DPYSL4: variants seen among roughly 807,000 people sequenced by gnomAD.
The protein encoded by DPYSL4 is dihydropyrimidinase like 4, also known as dihydropyrimidinase-related protein 4.
A neutral mutation model predicts 63.4 loss-of-function variants in DPYSL4; 43 were observed. The observed-to-expected ratio is 0.68, with a 90% confidence interval of 0.53 to 0.88. The LOEUF is 0.88. Among genes scored for constraint, DPYSL4 ranks in the 40% least tolerant of loss-of-function variants. The probability of loss-of-function intolerance (pLI) is 0.00; values close to 1 mark genes in which losing one functional copy is unlikely to be tolerated. For synonymous variants in DPYSL4, 353 were observed against 331.7 expected (o/e 1.06, Z -0.70); for missense variants, 733 against 819.5 (o/e 0.89, Z 1.29).
At chr10:132,189,247 C>T (rs376782945) in intron 1 of DPYSL4, among the ~76,000 whole-genome samples, 9 of 152,350 alleles carry the variant, frequency 5.9e-5, no homozygotes, top group Middle Eastern at 3.4e-3. Flanking sequence ...GCACGCCAGA[C>T]GGTGGAGGGA....
intron 3 of DPYSL4, 124 bp from the exon 4 acceptor site, chr10:132,194,721 T>G (rs2061919269): frequency 7.8e-7 from 1 of 1,283,674 alleles, no homozygotes; most frequent in African/African-American, 1.5e-5. Context: ...CGGTGGCCTC[T>G]GCTGTGTCTC....
chr10:132,202,625 C>T (rs747954993), intron 11 of DPYSL4, 21 bp from the exon 12 acceptor site: 2 of 1,610,108 alleles, frequency 1.2e-6, no homozygotes, highest in African/African-American at 1.3e-5. Flanking sequence ...AGGCACTGGA[C>T]CCTCGGGCCT....
At chr10:132,204,583 GACAGGAAGGGCTTCCTGCAGCCC>G (rs1038659906) in intron 13 of DPYSL4, among the ~76,000 whole-genome samples, 4 of 152,136 alleles carry the variant, frequency 2.6e-5, no homozygotes, top group African/African-American at 9.7e-5. Context: ...TTCCTCTCGG[GACAGGAAGGGCTTCCTGCAGCCC>G]ACAGTCCCCG....
chr10:132,191,619 G>T (rs61065226), intron 2 of DPYSL4, among the ~76,000 whole-genome samples: 3 of 34,360 alleles, frequency 8.7e-5, no homozygotes, highest in African/African-American at 1.0e-4. Flanking sequence ...ATCCAGGCAG[G>T]TGAAAGTATG....
At position 132,190,789 on chromosome 10, in the gene DPYSL4, G is replaced by A. The variant is rs149476256; in HGVS notation, c.82G>A (p.Asp28Asn). ...CAGAGGTGGGAGGATCGTGAATGAC[G>A]ACCAGTCCTTTTACGCTGATGTGCA... The part of the protein sequence containing the change: ...LIRGGRIVND[D>N]QSFYADVHVE... The change falls in exon 2 of 14, where the codon GAC becomes AAC. Residue 28 changes from aspartate to asparagine, a missense_variant. Coordinates refer to ENST00000338492, the MANE Select transcript of DPYSL4 (RefSeq NM_006426.3). 39 of 1,613,608 alleles carry A rather than the reference G, an allele frequency of 2.4e-5. No individual in the cohort carries two copies. The African/African-American group carries it at 3.7e-4, about 15-fold the overall frequency.
chr10:132,201,103 C>A (rs549262168), intron 10 of DPYSL4, 120 bp downstream of exon 10: 1 of 1,399,624 alleles, frequency 7.1e-7, no homozygotes, highest in Non-Finnish European at 9.5e-7. Flanking sequence ...TCAGAGCACA[C>A]GGGCTCCGGG....
At chr10:132,202,597 T>C (rs1228505620) in intron 11 of DPYSL4, 49 bp from the exon 12 acceptor site, 1 of 1,602,760 alleles carries the variant, frequency 6.2e-7, no homozygotes, top group East Asian at 2.2e-5. Context: ...GGGATGGGAC[T>C]GTTGGGCCCC....
intron 4 of DPYSL4, among the ~76,000 whole-genome samples, chr10:132,195,741 C>T (rs139984028): frequency 2.1e-4 from 32 of 152,322 alleles, no homozygotes; most frequent in East Asian, 5.8e-4. Context: ...CCTCCCTGCC[C>T]GGGGGCTGGT....
At position 132,204,882 on chromosome 10, in the gene DPYSL4, G is replaced by A. The variant is rs2062074586; in HGVS notation, c.1671G>A (p.Lys557=). The change falls in exon 14 of 14, where the codon AAG becomes AAA. Residue 557 remains lysine, a synonymous_variant. Coordinates refer to ENST00000338492, the MANE Select transcript of DPYSL4 (RefSeq NM_006426.3). ...ACATCGCCCGACGCACAGCACAGAA[G>A]ATCATGGCACCACCTGGCGGCCGCT... ...DDHIARRTAQ[K]IMAPPGGRSN... 6.2e-7 allele frequency: 1 copy of A among 1,612,910 alleles called. No individual in the cohort carries two copies. Among genetic ancestry groups the A allele is most frequent in the Non-Finnish European group, 8.5e-7 (1 of 1,179,396 alleles).
intron 11 of DPYSL4, 102 bp from the exon 12 acceptor site, chr10:132,202,544 C>A: frequency 6.8e-7 from 1 of 1,468,752 alleles, no homozygotes; most frequent in Non-Finnish European, 9.2e-7. Flanking sequence ...GCACACCGGG[C>A]CTGCTCCACG....
In DPYSL4 at chr10:132,187,096, G is replaced by C. The variant is rs1370106544; in HGVS notation, c.33G>C (p.Arg11=). The C allele has an allele frequency of 6.8e-7, 1 of 1,463,558 alleles. No homozygotes were observed. The highest frequency in any genetic ancestry group is 1.2e-5 in the South Asian group (1 of 81,330). 90.7% of individuals were successfully genotyped at this position (1,463,558 alleles called of 1,614,324 possible). A position where few individuals can be genotyped will look rare whatever the true frequency, so the allele number is the denominator to read the frequency against. Residue 11 remains arginine, a synonymous_variant, in exon 1 of 14, where the codon CGG becomes CGC. Transcript: ENST00000338492. ...TCCAGGGCAAGAAAAGCATCCCCCG[G>C]ATCACGGTGAGCCCGGTCCCGCTTC... MSFQGKKSIP[R]ITSDRLLIRG...
At chr10:132,197,947 G>A (rs1485311220) in intron 6 of DPYSL4, among the ~76,000 whole-genome samples, 2 of 152,202 alleles carry the variant, frequency 1.3e-5, no homozygotes, top group Non-Finnish European at 2.9e-5. Context: ...CTCAGTATTG[G>A]GGCTGCTGCT....
intron 12 of DPYSL4, 192 bp from the exon 13 acceptor site, chr10:132,203,570 G>A (rs2062050679): frequency 8.5e-6 from 5 of 589,880 alleles, no homozygotes; most frequent in Non-Finnish European, 1.5e-5. Context: ...CTGCAAGGAG[G>A]GAGGCGTGTG....
chr10:132,195,476 T>G (rs2061931518), intron 4 of DPYSL4, among the ~76,000 whole-genome samples: 1 of 152,226 alleles, frequency 6.6e-6, no homozygotes, highest in Non-Finnish European at 1.5e-5. Context: ...GTTTGACAAG[T>G]GGCATATCTG....
At chr10:132,189,680 C>T (rs1317534992) in intron 1 of DPYSL4, among the ~76,000 whole-genome samples, 2 of 152,174 alleles carry the variant, frequency 1.3e-5, no homozygotes, top group East Asian at 1.9e-4. Flanking sequence ...GGAATCCACT[C>T]TCCTCCCGTC....
intron 1 of DPYSL4, among the ~76,000 whole-genome samples, chr10:132,187,850 G>C (rs952643146): frequency 1.3e-5 from 2 of 152,236 alleles, no homozygotes; most frequent in South Asian, 2.1e-4. Context: ...CTCCCCGCTC[G>C]GGCGGGGGGA....
chr10:132,197,064 C>T lies in DPYSL4; in HGVS notation c.584C>T (p.Ala195Val), dbSNP rs868588376. Residue 195 changes from alanine to valine, a missense_variant, in exon 6 of 14, where the codon GCC (alanine) becomes GTC (valine). Transcript: ENST00000338492. ...FSIIRDLGALAQVHAENGDIV... is the reference protein window; with the variant it reads ...FSIIRDLGALVQVHAENGDIV... Reference sequence around the variant, plus strand: ...ATCATCCGGGACCTGGGGGCCTTGGCCCAGGTGCACGCTGAGAACGGGGAC... The same window carrying T: ...ATCATCCGGGACCTGGGGGCCTTGGTCCAGGTGCACGCTGAGAACGGGGAC... The T allele has an allele frequency of 1.3e-5, 20 of 1,567,352 alleles. No individual in the cohort carries two copies. The highest frequency in any genetic ancestry group is 2.6e-6 in the Non-Finnish European group (3 of 1,155,088).
chr10:132,196,944 G>A lies in DPYSL4; in HGVS notation c.540+22G>A, dbSNP rs112631673. 2,089 of 1,613,618 alleles carry A rather than the reference G, an allele frequency of 1.3e-3. 32 individuals carry two copies. The African/African-American group carries it at 0.02, about 16-fold the overall frequency. ...CCAGGTAAGGGCAGGCGTGGGGAAC[G>A]GAGTGGGCAGGTATATCCCAGGCCG... On this transcript the variant is annotated intron_variant, in intron 5 of 13. Transcript: ENST00000338492.
chr10:132,195,657 C>T (rs1252700451), intron 4 of DPYSL4, among the ~76,000 whole-genome samples: 3 of 152,182 alleles, frequency 2.0e-5, no homozygotes, highest in African/African-American at 7.2e-5. Context: ...TTCTTCAAGG[C>T]CATTCCTCTG....
Sources: gnomAD v4.1 joint callset for allele counts (sites outside exome capture counted in the v4.1 genomes callset) on GRCh38, gnomAD v4.1.1 for gene constraint, MANE v1.5 for transcripts, NCBI Gene and HGNC (gene_info 2026-07-23, HGNC 2026-07-21) for gene names.